IQUB: variants seen among roughly 807,000 people sequenced by gnomAD.
IQUB encodes IQ motif and ubiquitin-like domain-containing protein.
A neutral mutation model predicts 86.4 loss-of-function variants in IQUB; 86 were observed. The observed-to-expected ratio is 1.00, with a 90% CI of 0.84 to 1.19. The LOEUF is 1.19. Ranked by LOEUF, IQUB falls within the 50% of genes most tolerant of loss-of-function variation. The probability of loss-of-function intolerance (pLI) is 0.00; values close to 1 mark genes in which losing one functional copy is unlikely to be tolerated. For missense variants in IQUB, 946 were observed against 916.9 expected (o/e 1.03, Z -0.41); for synonymous variants, 289 against 304.5 (o/e 0.95, Z 0.53).
intron 7 of IQUB, among the ~76,000 whole-genome samples, chr7:123,483,299 G>C (rs1389718867): frequency 1.3e-5 from 2 of 151,910 alleles, no homozygotes; most frequent in African/African-American, 4.8e-5. Flanking sequence ...TTTCAGTGTG[G>C]ACTTATCAGC....
intron 12 of IQUB, 116 bp downstream of exon 12, chr7:123,457,265 C>G: frequency 1.4e-6 from 2 of 1,445,238 alleles, no homozygotes; most frequent in South Asian, 3.0e-5. Flanking sequence ...TCCATAAGTT[C>G]TGTTTCTTAA....
chr7:123,482,667 T>C (rs150911862), intron 7 of IQUB, among the ~76,000 whole-genome samples: 98 of 152,252 alleles, frequency 6.4e-4, no homozygotes, highest in African/African-American at 2.3e-3. Flanking sequence ...AAATTTGGCA[T>C]AAATAATCCT....
At chr7:123,534,244 G>A (rs762137799) in intron 1 of IQUB, among the ~76,000 whole-genome samples, 1 of 152,168 alleles carries the variant, frequency 6.6e-6, no homozygotes, top group Non-Finnish European at 1.5e-5. Flanking sequence ...GTACCTCCTA[G>A]CTTGATGCTG....
intron 1 of IQUB, among the ~76,000 whole-genome samples, chr7:123,526,954 T>C (rs1797248621): frequency 6.6e-6 from 1 of 152,290 alleles, no homozygotes; most frequent in South Asian, 2.1e-4. Context: ...CCTTCACTTA[T>C]GAAGCTTAGT....
At chr7:123,493,864 C>A (rs1795598909) in intron 7 of IQUB, among the ~76,000 whole-genome samples, 1 of 147,106 alleles carries the variant, frequency 6.8e-6, no homozygotes, top group Non-Finnish European at 1.5e-5. Flanking sequence ...TTGCCAAAAA[C>A]TAGTTGGGGG....
Position 123,457,507 on chromosome 7 carries a change from A to C in IQUB, c.2067T>G (p.Ala689=), listed in dbSNP as rs750758864. The C allele has an allele frequency of 2.0e-5, 32 of 1,611,270 alleles. No homozygotes were observed. In the South Asian group the frequency reaches 3.4e-4, roughly 17 times the overall value. ...TGACCAGATCACTGAGATTGTCGCA[A>C]GCACTGAGGACTGACTGGGACGCCC... The part of the protein sequence containing the change: ...NIWASQSVLS[A]CDNLSDLVMV... The change falls in exon 12 of 13, where the codon GCT becomes GCG. Residue 689 remains alanine (A), a synonymous_variant. Transcript: ENST00000324698.
chr7:123,510,144 A>ATACAAGT, intron 2 of IQUB, 109 bp from the exon 3 acceptor site: 1 of 673,868 alleles, frequency 1.5e-6, no homozygotes, highest in South Asian at 2.6e-5. Flanking sequence ...ATTACATAGA[A>ATACAAGT]TACAAGTTGT....
At chr7:123,506,746 G>A (rs968652952) in intron 3 of IQUB, among the ~76,000 whole-genome samples, 20 of 151,946 alleles carry the variant, frequency 1.3e-4, no homozygotes, top group South Asian at 4.2e-4. Flanking sequence ...AAACCACATC[G>A]CCCCCAGAAC....
At chr7:123,531,134 C>T (rs1017657251) in intron 1 of IQUB, among the ~76,000 whole-genome samples, 14 of 152,086 alleles carry the variant, frequency 9.2e-5, no homozygotes, top group Non-Finnish European at 1.8e-4. Flanking sequence ...ACAATTAAGA[C>T]TCCAAAGCCC....
intron 1 of IQUB, among the ~76,000 whole-genome samples, chr7:123,522,940 G>A (rs1372965473): frequency 6.8e-6 from 1 of 146,674 alleles, no homozygotes; most frequent in Non-Finnish European, 1.5e-5. Context: ...ACCTATGAGT[G>A]AGAATATGCG....
chr7:123,520,217 G>C (rs1453471759), intron 1 of IQUB, among the ~76,000 whole-genome samples: 1 of 151,820 alleles, frequency 6.6e-6, no homozygotes, highest in East Asian at 1.9e-4. Context: ...TTCCTCACTA[G>C]AATATAAGCT....
At chr7:123,489,984 AAAT>A (rs1795386504) in intron 7 of IQUB, among the ~76,000 whole-genome samples, 1 of 152,076 alleles carries the variant, frequency 6.6e-6, no homozygotes, top group East Asian at 1.9e-4. Context: ...AAATCTTTAA[AAAT>A]AATAAGAGGA....
In IQUB at chr7:123,507,387, AG is replaced by A. The variant is rs11302569; in HGVS notation, c.532+2513del. Among the ~76,000 whole-genome samples, 1,066 of 152,322 alleles carry A rather than the reference AG, an allele frequency of 7.0e-3. 14 individuals are homozygous for A. The highest frequency in any genetic ancestry group is 0.024 in the African/African-American group (1,015 of 41,566). ...ATTCTGAGCACACTTAAGGTAGGCT[AG>A]GCTAAGCTATGAAGTTTGGTAGGTT... On this transcript the variant is annotated intron_variant, in intron 3 of 12. Coordinates refer to ENST00000324698, the MANE Select transcript of IQUB (RefSeq NM_178827.5).
intron 7 of IQUB, among the ~76,000 whole-genome samples, chr7:123,486,451 T>C (rs1275831747): frequency 6.6e-6 from 1 of 152,188 alleles, no homozygotes; most frequent in African/African-American, 2.4e-5. Context: ...ATTTTTCTAT[T>C]AAAGAAATTA....
At chr7:123,495,668 C>A (rs1480412090) in intron 7 of IQUB, among the ~76,000 whole-genome samples, 1 of 152,116 alleles carries the variant, frequency 6.6e-6, no homozygotes, top group African/African-American at 2.4e-5. Flanking sequence ...TCTCAGATAT[C>A]TGGTGTATTA....
Position 123,510,977 on chromosome 7 carries a change from C to T in IQUB, c.398-942G>A, listed in dbSNP as rs141655500. ...CAAGACAACATTTTTTTAAAAATCA[C>T]TATGTGTTTAAGTTATAATATCAGG... is the stretch of plus-strand genomic sequence containing the variant. On this transcript the variant is annotated intron_variant, in intron 2 of 12. Coordinates refer to ENST00000324698, the MANE Select transcript of IQUB (RefSeq NM_178827.5). 4.6e-3 allele frequency among the ~76,000 whole-genome samples: 696 copies of T among 152,186 alleles called. 3 individuals are homozygous for T. The highest frequency in any genetic ancestry group is 0.015 in the South Asian group (71 of 4,832).
At chr7:123,517,093 G>A (rs1796669727) in intron 1 of IQUB, among the ~76,000 whole-genome samples, 1 of 152,154 alleles carries the variant, frequency 6.6e-6, no homozygotes, top group Non-Finnish European at 1.5e-5. Context: ...CACACAGTGG[G>A]TTTGCATCAC....
chr7:123,505,948 A>G (rs1796158023), intron 3 of IQUB, among the ~76,000 whole-genome samples: 1 of 152,198 alleles, frequency 6.6e-6, no homozygotes, highest in African/African-American at 2.4e-5. Context: ...TTGCTCACAC[A>G]TATGACCATA....
At chr7:123,498,858 T>C (rs1795819577) in intron 6 of IQUB, among the ~76,000 whole-genome samples, 1 of 152,162 alleles carries the variant, frequency 6.6e-6, no homozygotes. Flanking sequence ...AATGTGGTCA[T>C]CAGTGGAACA....
Sources: allele counts gnomAD v4.1 joint callset (sites outside exome capture counted in the v4.1 genomes callset), GRCh38; gene constraint gnomAD v4.1.1; transcripts MANE v1.5; gene names NCBI Gene and HGNC (gene_info 2026-07-23, HGNC 2026-07-21).